GPC5: variants seen among roughly 807,000 people sequenced by gnomAD.
GPC5 encodes glypican 5.
A neutral mutation model predicts 53.9 loss-of-function variants in GPC5; 47 were observed. That is an observed-to-expected ratio of 0.87 (90% CI 0.69 to 1.11). GPC5 has a LOEUF of 1.11. Ranked by LOEUF, GPC5 falls within the 50% of genes most tolerant of loss-of-function variation. The pLI, the probability that GPC5 is intolerant of heterozygous loss-of-function variation, is 0.00. For missense variants in GPC5, 748 were observed against 713.1 expected (o/e 1.05, Z -0.56); for synonymous variants, 286 against 263.3 (o/e 1.09, Z -0.84).
intron 2 of GPC5, among the ~76,000 whole-genome samples, chr13:91,538,833 C>CAA (rs1409733688): frequency 6.7e-6 from 1 of 148,888 alleles, no homozygotes; most frequent in African/African-American, 2.5e-5. Context: ...CCACCCCGCC[C>CAA]CCCCCTCAGC....
rs535719911 is a variant in GPC5 at position 91,628,928 on chromosome 13, T to A, written c.326-64259T>A. ...CAGTTTAAGTAGCAGTGTTGAAATA[T>A]ACACTGGGATGCAGAGAGTTAGATG... On this transcript the variant is annotated intron_variant, in intron 2 of 7. Transcript: ENST00000377067. 3.1e-4 allele frequency among the ~76,000 whole-genome samples: 47 copies of A among 152,296 alleles called. No individual in the cohort carries two copies. In the South Asian group the frequency reaches 5.2e-3, roughly 17 times the overall value.
chr13:92,037,786 G>C (rs772905604), intron 6 of GPC5, among the ~76,000 whole-genome samples: 4 of 152,160 alleles, frequency 2.6e-5, no homozygotes, highest in Non-Finnish European at 5.9e-5. Flanking sequence ...TCCTGCCATA[G>C]TGGATTTAAG....
intron 2 of GPC5, among the ~76,000 whole-genome samples, chr13:91,634,825 A>G (rs1337760997): frequency 6.6e-6 from 1 of 152,150 alleles, no homozygotes; most frequent in Non-Finnish European, 1.5e-5. Flanking sequence ...TAATAAATGC[A>G]TATGATTAGG....
intron 2 of GPC5, among the ~76,000 whole-genome samples, chr13:91,657,829 C>T (rs1339865579): frequency 1.3e-5 from 2 of 152,050 alleles, no homozygotes. Flanking sequence ...TATAGAAAGA[C>T]TCAGTTACGC....
At chr13:92,510,558 A>G (rs1442444719) in intron 7 of GPC5, among the ~76,000 whole-genome samples, 1 of 152,226 alleles carries the variant, frequency 6.6e-6, no homozygotes, top group Non-Finnish European at 1.5e-5. Flanking sequence ...TATTGTATAT[A>G]CAATTGACAT....
At chr13:92,543,487 C>T (rs530088048) in intron 7 of GPC5, among the ~76,000 whole-genome samples, 1 of 151,956 alleles carries the variant, frequency 6.6e-6, no homozygotes, top group Non-Finnish European at 1.5e-5. Flanking sequence ...ATCCAAGGTA[C>T]TAGTTTCTCA....
intron 7 of GPC5, among the ~76,000 whole-genome samples, chr13:92,395,538 C>A (rs1875228798): frequency 6.6e-6 from 1 of 152,126 alleles, no homozygotes; most frequent in Non-Finnish European, 1.5e-5. Flanking sequence ...TGTTGTCAAA[C>A]CTTTATTCCA....
chr13:92,397,397 C>T (rs147017581), intron 7 of GPC5, among the ~76,000 whole-genome samples: 1,614 of 152,282 alleles, frequency 0.011, 25 homozygotes, highest in African/African-American at 0.036. Context: ...GTGGAAGATA[C>T]GCCTTTCATC....
Position 91,907,923 on chromosome 13 carries a change from A to G in GPC5, c.1281-14A>G, listed in dbSNP as rs1392630406. The G allele has an allele frequency of 1.9e-6, 3 of 1,593,856 alleles. No homozygotes were observed. Among genetic ancestry groups the G allele is most frequent in the Non-Finnish European group, 8.5e-7 (1 of 1,178,090 alleles). On this transcript the variant is annotated splice_polypyrimidine_tract_variant and intron_variant, in intron 5 of 7. Transcript: ENST00000377067. ...TCAGGTACTAAGTCATATCTTTCAC[A>G]TTTCCCTTGCTAGTTATACTCAGCG...
intron 5 of GPC5, among the ~76,000 whole-genome samples, chr13:91,782,137 C>G (rs1440919267): frequency 6.6e-6 from 1 of 152,202 alleles, no homozygotes; most frequent in African/African-American, 2.4e-5. Flanking sequence ...AATGCTGAAG[C>G]TCTTTCGGCT....
intron 7 of GPC5, among the ~76,000 whole-genome samples, chr13:92,635,621 C>T (rs1417519103): frequency 6.6e-6 from 1 of 152,160 alleles, no homozygotes; most frequent in African/African-American, 2.4e-5. Context: ...CTGTAGCATT[C>T]GGGACTAAGT....
chr13:92,314,122 T>A (rs2043163186), intron 7 of GPC5, among the ~76,000 whole-genome samples: 1 of 152,196 alleles, frequency 6.6e-6, no homozygotes, highest in East Asian at 1.9e-4. Flanking sequence ...TCACATGTCA[T>A]ATTGCAATAC....
rs1594009880 is a variant in GPC5, at chr13:92,221,062, C to T, written c.1561+76073C>T. ...ACCTGTCTGGATAGAAAACACCCAG[C>T]CTTCTGCTCAAACAGGAGAGGGGTG... is the stretch of plus-strand genomic sequence containing the variant. On this transcript the variant is annotated intron_variant, in intron 7 of 7. Transcript: ENST00000377067. Among the ~76,000 whole-genome samples the T allele has an allele frequency of 2.0e-5, 3 of 152,210 alleles. No individual in the cohort carries two copies. In the South Asian group the frequency reaches 6.2e-4, roughly 32 times the overall value.
At chr13:92,158,261 G>A (rs1449169559) in intron 7 of GPC5, among the ~76,000 whole-genome samples, 2 of 152,256 alleles carry the variant, frequency 1.3e-5, no homozygotes, top group East Asian at 3.9e-4. Context: ...GAAAGCAGTT[G>A]GTGGCCTCTA....
chr13:92,102,124 CAG>C (rs994427841), intron 6 of GPC5, among the ~76,000 whole-genome samples: 2 of 151,554 alleles, frequency 1.3e-5, no homozygotes, highest in African/African-American at 4.9e-5. Flanking sequence ...AGAAAACAAA[CAG>C]TATAATTGAA....
chr13:92,699,746 G>A (rs1043137305), intron 7 of GPC5, among the ~76,000 whole-genome samples: 2 of 152,134 alleles, frequency 1.3e-5, no homozygotes, highest in Admixed American at 6.6e-5. Context: ...TTTTGAGTGA[G>A]TTTCTTAATC....
chr13:92,284,441 A>T (rs2042938846), intron 7 of GPC5, among the ~76,000 whole-genome samples: 1 of 152,220 alleles, frequency 6.6e-6, no homozygotes, highest in Admixed American at 6.5e-5. Context: ...TAACAAAAAA[A>T]AGAGAATTTT....
intron 7 of GPC5, among the ~76,000 whole-genome samples, chr13:92,858,116 C>A (rs921529240): frequency 6.6e-6 from 1 of 152,166 alleles, no homozygotes; most frequent in Non-Finnish European, 1.5e-5. Flanking sequence ...TATGTAGACA[C>A]TGATATGGTT....
intron 7 of GPC5, among the ~76,000 whole-genome samples, chr13:92,317,002 A>G (rs1566535747): frequency 6.6e-6 from 1 of 152,172 alleles, no homozygotes; most frequent in Non-Finnish European, 1.5e-5. Flanking sequence ...TGTTTATTCT[A>G]TCTTAAAATA....
Sources: allele counts gnomAD v4.1 joint callset (sites outside exome capture counted in the v4.1 genomes callset), GRCh38; gene constraint gnomAD v4.1.1; transcripts MANE v1.5; gene names NCBI Gene and HGNC (gene_info 2026-07-23, HGNC 2026-07-21).